MICAL2: variants seen among roughly 807,000 people sequenced by gnomAD.
The protein encoded by MICAL2 is microtubule associated monooxygenase, calponin and LIM domain containing 2.
MICAL2 carries 77 observed loss-of-function variants against 127.3 expected under a neutral mutation model. The ratio of observed to expected loss-of-function variants is 0.60; its 90% CI spans 0.50 to 0.73. The LOEUF (loss-of-function observed/expected upper bound fraction) is 0.73. Among genes scored for constraint, MICAL2 ranks in the 30% least tolerant of loss-of-function variants. The pLI is 0.00. For missense variants in MICAL2, 1,351 were observed against 1,434.4 expected (o/e 0.94, Z 0.94); for synonymous variants, 570 against 551.1 (o/e 1.03, Z -0.48).
upstream of MICAL2, among the ~76,000 whole-genome samples, chr11:12,272,508 A>G (rs1367474055): frequency 2.6e-5 from 4 of 152,194 alleles, no homozygotes; most frequent in Non-Finnish European, 4.4e-5. Context: ...TCTGAGGAGG[A>G]CACAGCATCT....
intron 32 of MICAL2, among the ~76,000 whole-genome samples, chr11:12,344,670 T>C (rs1050265353): frequency 8.0e-5 from 12 of 150,010 alleles, no homozygotes; most frequent in East Asian, 2.0e-4. Flanking sequence ...AAGCTAACTT[T>C]TGGTATTTTC....
chr11:12,129,023 G>A (rs972719795), intron 1 of MICAL2, among the ~76,000 whole-genome samples: 1 of 152,106 alleles, frequency 6.6e-6, no homozygotes, highest in African/African-American at 2.4e-5. Flanking sequence ...TGAGGTCAGG[G>A]TAGAATGTCC....
At chr11:12,320,909 T>C (rs1237995024) in intron 30 of MICAL2, among the ~76,000 whole-genome samples, 1 of 152,116 alleles carries the variant, frequency 6.6e-6, no homozygotes, top group Non-Finnish European at 1.5e-5. Context: ...TGTCCCTGAT[T>C]AATTCAGTAT....
intron 8 of MICAL2, among the ~76,000 whole-genome samples, chr11:12,217,695 G>A (rs923039205): frequency 1.7e-4 from 26 of 152,106 alleles, no homozygotes; most frequent in Non-Finnish European, 4.4e-5. Flanking sequence ...TCACCCTCAG[G>A]TCATCCCAGG....
At chr11:12,294,267 G>A, downstream of MICAL2, 1 of 1,614,158 alleles carries the variant, frequency 6.2e-7, no homozygotes, top group Non-Finnish European at 8.5e-7. Context: ...GCCATCCGAA[G>A]GTCTCTAGAG....
At chr11:12,265,721 G>A (rs573555114), downstream of MICAL2, among the ~76,000 whole-genome samples, 2 of 152,258 alleles carry the variant, frequency 1.3e-5, no homozygotes, top group Admixed American at 6.5e-5. Context: ...CTATGAACAG[G>A]CAATTTACCC....
intron 7 of MICAL2, 144 bp from the exon 8 acceptor site, chr11:12,216,075 C>T (rs1856111692): frequency 8.0e-6 from 5 of 628,832 alleles, no homozygotes; most frequent in Admixed American, 2.7e-5. Flanking sequence ...TTTATCTTTG[C>T]CAGCCTTGTG....
intron 12 of MICAL2, 128 bp downstream of exon 12, chr11:12,223,629 T>G: frequency 1.3e-6 from 1 of 752,494 alleles, no homozygotes; most frequent in Non-Finnish European, 2.2e-6. Flanking sequence ...TGTGTGGTCA[T>G]GGGCAGGCAC....
At chr11:12,289,409 G>A (rs919656959), downstream of MICAL2, among the ~76,000 whole-genome samples, 10 of 152,238 alleles carry the variant, frequency 6.6e-5, no homozygotes, top group Admixed American at 2.6e-4. Context: ...TGGGTAGAGT[G>A]TGCAGCCCCC....
rs775383759 is a variant in MICAL2, at chr11:12,213,267, A to G, written c.704A>G (p.Lys235Arg). The change falls in exon 7 of 28, where the codon AAA becomes AGA. Residue 235 changes from lysine (K) to arginine (R), a missense_variant. Lys to Arg is a conservative substitution (Grantham distance 26). Around this residue, in one of 2 missense-constraint regions of MICAL2, gnomAD observed 599 missense variants for 714.9 expected, o/e 0.84. Coordinates refer to ENST00000683283, the MANE Select transcript of MICAL2 (RefSeq NM_001282663.2). ...RRNTLEGFRR[K>R]EFRGKLAIAI... ...TCTCCTCATGCAGGGTTCAGAAGAA[A>G]AGAATTCCGTGGGAAGCTGGCGATT... The G allele has an allele frequency of 6.2e-7, 1 of 1,612,194 alleles. No homozygotes were observed. Among genetic ancestry groups the G allele is most frequent in the Non-Finnish European group, 8.5e-7 (1 of 1,179,022 alleles).
At chr11:12,334,555 C>G (rs1394630834) in intron 32 of MICAL2, among the ~76,000 whole-genome samples, 2 of 151,054 alleles carry the variant, frequency 1.3e-5, no homozygotes, top group South Asian at 4.2e-4. Context: ...CACCCATTAA[C>G]TCGTCAATTA....
At chr11:12,160,556 C>G (rs367642039) in intron 2 of MICAL2, among the ~76,000 whole-genome samples, 3 of 152,230 alleles carry the variant, frequency 2.0e-5, no homozygotes, top group Admixed American at 2.0e-4. Context: ...CCCGCTCTTT[C>G]CACACTCACA....
chr11:12,291,635 G>A (rs575547948), downstream of MICAL2, among the ~76,000 whole-genome samples: 2 of 152,282 alleles, frequency 1.3e-5, no homozygotes, highest in African/African-American at 2.4e-5. Flanking sequence ...AATCTCAAAC[G>A]ACTCTTCCTG....
chr11:12,219,674 A>G (rs898704138), intron 8 of MICAL2, among the ~76,000 whole-genome samples: 27 of 151,670 alleles, frequency 1.8e-4, no homozygotes, highest in African/African-American at 5.8e-4. Context: ...GCATATTTGG[A>G]TCATACTCGC....
Position 12,192,313 on chromosome 11 carries a change from G to A in MICAL2, c.265-11937G>A, listed in dbSNP as rs1052869921. Among the ~76,000 whole-genome samples, 70 of 152,190 alleles carry A rather than the reference G, an allele frequency of 4.6e-4. 2 individuals are homozygous for A. The highest frequency in any genetic ancestry group is 1.0e-4 in the Non-Finnish European group (7 of 68,048). On this transcript the variant is annotated intron_variant, in intron 3 of 27. Transcript: ENST00000683283. The stretch of plus-strand genomic sequence containing the variant: ...CCTCCTGGGCACCCAGGCTCCAGGT[G>A]GGACTCACTCACCACCTTGGAGATA...
intron 15 of MICAL2, among the ~76,000 whole-genome samples, chr11:12,229,853 G>A (rs1176752205): frequency 6.6e-6 from 1 of 152,200 alleles, no homozygotes; most frequent in Non-Finnish European, 1.5e-5. Flanking sequence ...GTGTCCCTTG[G>A]CTGCCCATTT....
chr11:12,199,474 T>A (rs988420216), intron 3 of MICAL2, among the ~76,000 whole-genome samples: 2 of 152,088 alleles, frequency 1.3e-5, no homozygotes, highest in Admixed American at 6.5e-5. Context: ...GATTCGGAAG[T>A]GGAAATGAAA....
chr11:12,223,799 T>C (rs79140010), intron 12 of MICAL2, among the ~76,000 whole-genome samples: 1 of 152,348 alleles, frequency 6.6e-6, no homozygotes, highest in East Asian at 1.9e-4. Context: ...ATTTTCCTGT[T>C]GTTTCCTGCA....
intron 22 of MICAL2, 113 bp downstream of exon 22, chr11:12,249,359 T>A: frequency 3.0e-6 from 2 of 670,336 alleles, no homozygotes; most frequent in Non-Finnish European, 5.4e-6. Flanking sequence ...GTACAGTGCC[T>A]GGCACCAGGG....
Sources: gnomAD v4.1 joint callset for allele counts (sites outside exome capture counted in the v4.1 genomes callset) on GRCh38, gnomAD v4.1.1 for gene constraint, gnomAD v4.1.1 regional missense constraint, MANE v1.5 for transcripts, NCBI Gene and HGNC (gene_info 2026-07-23, HGNC 2026-07-21) for gene names.